STX12: variants seen among roughly 807,000 people sequenced by gnomAD.
STX12 encodes syntaxin-12.
Under a neutral mutation model 42.2 loss-of-function variants are expected in STX12, and 17 were observed. The observed-to-expected ratio is 0.40, with a 90% CI of 0.28 to 0.60. The LOEUF (loss-of-function observed/expected upper bound fraction) is 0.60. Ranked by LOEUF, STX12 falls within the 20% of genes least tolerant of loss-of-function variation. The pLI is 0.39. For synonymous variants in STX12, 108 were observed against 116.7 expected, an observed-to-expected ratio of 0.93 and a Z score of 0.48; for missense variants, 297 against 330.9, an observed-to-expected ratio of 0.90 and a Z score of 0.79.
intron 3 of STX12, among the ~76,000 whole-genome samples, chr1:27,796,857 C>T (rs2088789514): frequency 6.6e-6 from 1 of 152,102 alleles, no homozygotes; most frequent in South Asian, 2.1e-4. Context: ...AGGCATGTGC[C>T]ACCATGCCCA....
chr1:27,807,203 G>T (rs2088867625), intron 4 of STX12, among the ~76,000 whole-genome samples: 1 of 152,066 alleles, frequency 6.6e-6, no homozygotes, highest in Non-Finnish European at 1.5e-5. Flanking sequence ...TTATGTTACA[G>T]ACAATTCAAT....
intron 4 of STX12, among the ~76,000 whole-genome samples, chr1:27,804,426 C>CCA (rs1553182543): frequency 1.4e-5 from 2 of 143,316 alleles, no homozygotes; most frequent in African/African-American, 5.0e-5. Context: ...AATTCCGTCT[C>CCA]AAAAAAAAAT....
chr1:27,779,524 G>T (rs1571515383), intron 1 of STX12, among the ~76,000 whole-genome samples: 1 of 151,670 alleles, frequency 6.6e-6, no homozygotes, highest in Non-Finnish European at 1.5e-5. Flanking sequence ...TAGAGACAGG[G>T]TTTCACCATG....
chr1:27,800,921 G>A (rs2088823622), intron 3 of STX12, among the ~76,000 whole-genome samples: 1 of 152,186 alleles, frequency 6.6e-6, no homozygotes, highest in Non-Finnish European at 1.5e-5. Flanking sequence ...ACCACTAAAA[G>A]CCTGTGAAAT....
At chr1:27,777,206 T>C (rs1571514149) in intron 1 of STX12, among the ~76,000 whole-genome samples, 1 of 150,624 alleles carries the variant, frequency 6.6e-6, no homozygotes, top group Middle Eastern at 3.4e-3. Context: ...AGAGGGAGGG[T>C]GGGTGCATTA....
chr1:27,818,633 CTTT>C (rs201465138), intron 7 of STX12, among the ~76,000 whole-genome samples: 1 of 143,260 alleles, frequency 7.0e-6, no homozygotes, highest in Admixed American at 7.0e-5. Flanking sequence ...GTTAGTAACC[CTTT>C]TTTTTTTTTT....
At chr1:27,817,066 G>GGAAA (rs991834197) in intron 6 of STX12, among the ~76,000 whole-genome samples, 1 of 148,252 alleles carries the variant, frequency 6.7e-6, no homozygotes, top group African/African-American at 2.5e-5. Flanking sequence ...AAGGAAGGAA[G>GGAAA]GAAAGAAGGA....
intron 1 of STX12, among the ~76,000 whole-genome samples, chr1:27,779,332 TG>T (rs200478009): frequency 0.065 from 9,451 of 144,602 alleles, 787 homozygotes; most frequent in African/African-American, 0.25. Context: ...TTTTTGTTTT[TG>T]TTTTTTTTTG....
chr1:27,814,518 ACT>A (rs1398203589), intron 6 of STX12, among the ~76,000 whole-genome samples: 1 of 151,372 alleles, frequency 6.6e-6, no homozygotes, highest in Non-Finnish European at 1.5e-5. Context: ...ACAGAGCAAG[ACT>A]CTGTCTCAAA....
chr1:27,807,723 T>C (rs551773075), intron 4 of STX12, among the ~76,000 whole-genome samples: 2 of 152,332 alleles, frequency 1.3e-5, no homozygotes, highest in Admixed American at 6.5e-5. Flanking sequence ...TATACCAGGA[T>C]GTATGTACAA....
chr1:27,778,816 A>C (rs2148596196), intron 1 of STX12, among the ~76,000 whole-genome samples: 1 of 152,084 alleles, frequency 6.6e-6, no homozygotes, highest in African/African-American at 2.4e-5. Context: ...GCTGGAATGC[A>C]GTGTGCAATC....
At position 27,823,467 on chromosome 1, in the gene STX12, C is replaced by T. The variant is rs1387188720; in HGVS notation, c.*1138C>T. 1 of 152,640 alleles carries T rather than the reference C, an allele frequency of 6.6e-6. No homozygotes were observed. Among genetic ancestry groups the T allele is most frequent in the East Asian group, 1.9e-4 (1 of 5,206 alleles). 9.5% of individuals were successfully genotyped at this position (152,640 alleles called of 1,614,324 possible). On this transcript the variant is annotated 3_prime_UTR_variant, in exon 9 of 9. Transcript: ENST00000373943. The stretch of plus-strand genomic sequence containing the variant: ...AAAGATGTTTCAATAAAATTACTGT[C>T]TTGTAATATAAATGTTGTCCACTTC...
chr1:27,822,415 C>G lies in STX12; in HGVS notation c.*86C>G, dbSNP rs1189533494. 6 of 830,356 alleles carry G rather than the reference C, an allele frequency of 7.2e-6. No individual in the cohort carries two copies. The highest frequency in any genetic ancestry group is 1.7e-5 in the African/African-American group (1 of 59,636). 51.4% of individuals were successfully genotyped at this position (830,356 alleles called of 1,614,324 possible). A position where few individuals can be genotyped will look rare whatever the true frequency, so the allele number is the denominator to read the frequency against. On this transcript the variant is annotated 3_prime_UTR_variant, in exon 9 of 9. Transcript: ENST00000373943. ...CCAGAACAAACTGATCACAAGAAGA[C>G]AGCATATATCAGAACGTCCTGTAAT...
chr1:27,778,652 G>A (rs888336622), intron 1 of STX12, among the ~76,000 whole-genome samples: 1 of 149,184 alleles, frequency 6.7e-6, no homozygotes, highest in Non-Finnish European at 1.5e-5. Context: ...GACCAAGATC[G>A]CTCCACTGCA....
intron 1 of STX12, among the ~76,000 whole-genome samples, chr1:27,784,945 G>A (rs1348857979): frequency 6.6e-6 from 1 of 151,066 alleles, no homozygotes; most frequent in Non-Finnish European, 1.5e-5. Context: ...CCAAATTTAG[G>A]TCATCCCAAC....
intron 3 of STX12, among the ~76,000 whole-genome samples, chr1:27,796,791 C>T (rs766629394): frequency 2.0e-5 from 3 of 151,838 alleles, no homozygotes; most frequent in Non-Finnish European, 4.4e-5. Context: ...CCACAACTTC[C>T]ACCTCCCAGG....
intron 7 of STX12, 47 bp from the exon 8 acceptor site, chr1:27,819,603 T>G: frequency 6.4e-7 from 1 of 1,551,778 alleles, no homozygotes; most frequent in Non-Finnish European, 8.9e-7. Context: ...TTTGCAGTCT[T>G]AAAACATCTG....
At chr1:27,808,311 T>TTTA (rs2088878613) in intron 4 of STX12, among the ~76,000 whole-genome samples, 21 of 144,236 alleles carry the variant, frequency 1.5e-4, no homozygotes, top group East Asian at 4.0e-4. Flanking sequence ...TTGCTTTGTT[T>TTTA]TTTATTTATT....
At chr1:27,808,767 G>C (rs1290468723) in intron 4 of STX12, among the ~76,000 whole-genome samples, 1 of 152,152 alleles carries the variant, frequency 6.6e-6, no homozygotes, top group Non-Finnish European at 1.5e-5. Flanking sequence ...ACACCTGAAA[G>C]ATTCGATTGC....
Sources: gnomAD v4.1 joint callset for allele counts (sites outside exome capture counted in the v4.1 genomes callset) on GRCh38, gnomAD v4.1.1 for gene constraint, MANE v1.5 for transcripts, NCBI Gene and HGNC (gene_info 2026-07-23, HGNC 2026-07-21) for gene names.